The following CDCP1 variants were observed in gnomAD, a reference collection of about 807,000 sequenced individuals.
CDCP1 encodes the protein CUB domain-containing protein 1.
CDCP1 carries 29 observed loss-of-function variants against 60.2 expected under a neutral mutation model. That is an observed-to-expected ratio of 0.48 (90% CI 0.36 to 0.66). CDCP1 has a LOEUF of 0.66. Among genes scored for constraint, CDCP1 ranks in the 30% least tolerant of loss-of-function variants. CDCP1 has a pLI of 0.00. For missense variants in CDCP1, 876 were observed against 1,074.3 expected, an observed-to-expected ratio of 0.82 and a Z score of 2.58; for synonymous variants, 387 against 431.1, an observed-to-expected ratio of 0.90 and a Z score of 1.27.
intron 1 of CDCP1, among the ~76,000 whole-genome samples, chr3:45,133,090 G>A (rs186849956): frequency 3.9e-4 from 60 of 152,330 alleles, no homozygotes; most frequent in Admixed American, 6.5e-4. Flanking sequence ...TCTGTAGCTA[G>A]TATTGAAGAT....
chr3:45,106,735 T>A (rs1015276523), intron 4 of CDCP1, among the ~76,000 whole-genome samples: 3 of 152,108 alleles, frequency 2.0e-5, no homozygotes, highest in Admixed American at 6.6e-5. Flanking sequence ...TTCCCCTGCT[T>A]CTGGGGACAA....
chr3:45,140,285 T>C (rs1173195705), intron 1 of CDCP1, among the ~76,000 whole-genome samples: 1 of 152,236 alleles, frequency 6.6e-6, no homozygotes, highest in Non-Finnish European at 1.5e-5. Context: ...AGACTGTATT[T>C]ACCCAGACAA....
intron 7 of CDCP1, among the ~76,000 whole-genome samples, chr3:45,090,477 T>A (rs554867091): frequency 6.6e-6 from 1 of 152,334 alleles, no homozygotes; most frequent in East Asian, 1.9e-4. Flanking sequence ...CTGTCAGACT[T>A]TTCAGGTCCC....
At chr3:45,108,624 G>C (rs1698612272) in intron 4 of CDCP1, among the ~76,000 whole-genome samples, 1 of 150,508 alleles carries the variant, frequency 6.6e-6, no homozygotes, top group Non-Finnish European at 1.5e-5. Flanking sequence ...CATTCTGATT[G>C]TACAGTTGTG....
intron 1 of CDCP1, among the ~76,000 whole-genome samples, chr3:45,135,456 G>C (rs901715038): frequency 2.0e-5 from 3 of 152,186 alleles, no homozygotes; most frequent in Non-Finnish European, 4.4e-5. Context: ...ACCCAAGCTA[G>C]AAAATTTGGA....
chr3:45,135,956 G>T (rs1699184446), intron 1 of CDCP1, among the ~76,000 whole-genome samples: 1 of 152,092 alleles, frequency 6.6e-6, no homozygotes, highest in Non-Finnish European at 1.5e-5. Context: ...ATACAAAAAG[G>T]AACTAGGCCA....
chr3:45,119,545 A>C (rs528639314), intron 1 of CDCP1, among the ~76,000 whole-genome samples: 106 of 152,328 alleles, frequency 7.0e-4, no homozygotes, highest in African/African-American at 2.4e-3. Flanking sequence ...CTCACAGTTC[A>C]TGTAGCACCA....
chr3:45,093,969 G>C (rs1203817801), intron 5 of CDCP1, among the ~76,000 whole-genome samples: 3 of 152,162 alleles, frequency 2.0e-5, no homozygotes, highest in African/African-American at 4.8e-5. Flanking sequence ...GATGCTAAGT[G>C]TCATGGGGCA....
At chr3:45,126,121 T>TCTTTCTTTCTTTC (rs1698982472) in intron 1 of CDCP1, among the ~76,000 whole-genome samples, 1 of 117,616 alleles carries the variant, frequency 8.5e-6, no homozygotes, top group Non-Finnish European at 1.7e-5. Context: ...TTTCTTTCTT[T>TCTTTCTTTCTTTC]CTTTCTTTCT....
At chr3:45,114,962 G>A (rs1167269337) in intron 2 of CDCP1, among the ~76,000 whole-genome samples, 1 of 152,094 alleles carries the variant, frequency 6.6e-6, no homozygotes, top group Non-Finnish European at 1.5e-5. Flanking sequence ...GAGACTGAAT[G>A]CATTCAAAGG....
intron 1 of CDCP1, among the ~76,000 whole-genome samples, chr3:45,121,106 C>T (rs546146374): frequency 4.5e-4 from 68 of 152,354 alleles, no homozygotes; most frequent in Non-Finnish European, 9.0e-4. Context: ...TGCTTGTCTT[C>T]ACCGCATTTA....
intron 2 of CDCP1, 57 bp downstream of exon 2, chr3:45,118,355 G>A (rs1224546747): frequency 8.1e-7 from 1 of 1,238,190 alleles, no homozygotes; most frequent in Non-Finnish European, 1.2e-6. Flanking sequence ...AAGACAGTCA[G>A]GGAGGTGTAG....
At chr3:45,104,631 C>T (rs1220633912) in intron 4 of CDCP1, among the ~76,000 whole-genome samples, 1 of 152,222 alleles carries the variant, frequency 6.6e-6, no homozygotes, top group Non-Finnish European at 1.5e-5. Context: ...TGTTATTTTA[C>T]AGCTGAGAAG....
chr3:45,118,241 C>T (rs926221698), intron 2 of CDCP1, among the ~76,000 whole-genome samples, 171 bp downstream of exon 2: 1 of 152,164 alleles, frequency 6.6e-6, no homozygotes, highest in African/African-American at 2.4e-5. Flanking sequence ...AGCTGTGTAA[C>T]GCATTTAGAA....
chr3:45,123,938 G>T (rs73089352), intron 1 of CDCP1, among the ~76,000 whole-genome samples: 10,156 of 152,118 alleles, frequency 0.067, 450 homozygotes, highest in Non-Finnish European at 0.099. Flanking sequence ...CTGGGCTTAG[G>T]GCATTTGGAA....
upstream of CDCP1, chr3:45,146,425 C>T (rs75944489): frequency 6.3e-6 from 4 of 639,894 alleles, no homozygotes; most frequent in East Asian, 6.9e-5. Flanking sequence ...CCCCGCCCTG[C>T]GCAGCAGGAT....
chr3:45,112,525 C>A, intron 2 of CDCP1, 80 bp from the exon 3 acceptor site: 1 of 1,537,518 alleles, frequency 6.5e-7, no homozygotes, highest in Non-Finnish European at 8.8e-7. Context: ...ACTCAGCCCC[C>A]TGTAGTAGAC....
rs543457111 is a variant in CDCP1 at position 45,144,924 on chromosome 3, C to A, written c.82+1282G>T. Among the ~76,000 whole-genome samples, 15 of 152,224 alleles carry A rather than the reference C, an allele frequency of 9.9e-5. No homozygotes were observed. In the East Asian group the frequency reaches 2.9e-3, roughly 29 times the overall value. ...CTTTGGGAGGCCCAGGTGGGAGGATCACTTGAGCTCAGGAGCTCGAGACCA... is the reference window on the plus strand; with the variant it reads ...CTTTGGGAGGCCCAGGTGGGAGGATAACTTGAGCTCAGGAGCTCGAGACCA... On this transcript the variant is annotated intron_variant, in intron 1 of 8. Transcript: ENST00000296129.
chr3:45,112,372 G>A lies in CDCP1; in HGVS notation c.366C>T (p.Asn122=). The A allele has an allele frequency of 6.2e-7, 1 of 1,614,224 alleles. No homozygotes were observed. The highest frequency in any genetic ancestry group is 1.1e-5 in the South Asian group (1 of 91,082). ...QPSTSLLPTL[N]RTFIWDVKAH... Reference sequence around the variant, plus strand: ...CTTTGACATCCCAGATGAAAGTTCTGTTGAGGGTAGGCAACAACGATGTCG... The same window carrying A: ...CTTTGACATCCCAGATGAAAGTTCTATTGAGGGTAGGCAACAACGATGTCG... The change falls in exon 3 of 9, where the codon AAC becomes AAT. Residue 122 remains asparagine, a synonymous_variant. Transcript: ENST00000296129.
Sources: gnomAD v4.1 joint callset for allele counts (sites outside exome capture counted in the v4.1 genomes callset) on GRCh38, gnomAD v4.1.1 for gene constraint, MANE v1.5 for transcripts, NCBI Gene and HGNC (gene_info 2026-07-23, HGNC 2026-07-21) for gene names.